The following FGF18 variants were observed in gnomAD, a reference collection of about 807,000 sequenced individuals.
FGF18 encodes the protein fibroblast growth factor 18.
In FGF18, 5 loss-of-function variants were observed where a neutral mutation model predicts 23.0. The ratio of observed to expected loss-of-function variants is 0.22; its 90% CI spans 0.11 to 0.46. FGF18 has a LOEUF of 0.46. Ranked by LOEUF, FGF18 falls within the 20% of genes least tolerant of loss-of-function variation. The pLI is 0.99. For missense variants in FGF18, 180 were observed against 291.6 expected, an observed-to-expected ratio of 0.62 and a Z score of 2.79; for synonymous variants, 117 against 118.9, an observed-to-expected ratio of 0.98 and a Z score of 0.10.
In FGF18 at chr5:171,451,058, C is replaced by CA. The variant is rs1561891333; in HGVS notation, c.357+1806dup. 6.6e-6 allele frequency among the ~76,000 whole-genome samples: 1 copy of CA among 151,624 alleles called. No individual in the cohort carries two copies. The highest frequency in any genetic ancestry group is 6.6e-5 in the Admixed American group (1 of 15,252). On this transcript the variant is annotated intron_variant, in intron 4 of 4. Coordinates refer to ENST00000274625, the MANE Select transcript of FGF18 (RefSeq NM_003862.3). The surrounding 1 kb of genome is among the most constrained non-coding windows in gnomAD (Gnocchi z 4.5). ...GCCCCGTCCCCTCGGGCCGCCCCCC[C>CA]ACCCCGCCGCCGGCCGCCTCCCGCC...
At chr5:171,442,961 C>A (rs1017553321) in intron 3 of FGF18, among the ~76,000 whole-genome samples, 15 of 152,250 alleles carry the variant, frequency 9.9e-5, no homozygotes, top group Non-Finnish European at 1.6e-4. Flanking sequence ...CAAACTGGCT[C>A]TGGCCTTGCT....
rs1772239067 is a variant in FGF18 at position 171,436,003 on chromosome 5, C to T, written c.70-90C>T. On this transcript the variant is annotated intron_variant, in intron 2 of 4. Transcript: ENST00000274625. This position sits in a 1 kb window ranked among gnomAD's most constrained non-coding sequence, Gnocchi z 4.4. ...TGGCTCAGAGCCGGTGTAGAGAAGC[C>T]CTTGGTCTTTGTGGTGGACGTGGCT... is the stretch of plus-strand genomic sequence containing the variant. 9.1e-7 allele frequency: 1 copy of T among 1,096,720 alleles called. No individual in the cohort carries two copies. The highest frequency in any genetic ancestry group is 1.2e-6 in the Non-Finnish European group (1 of 814,908). The allele number at this position is 1,096,720 out of a possible 1,614,324, so 67.9% of individuals were successfully genotyped here. A position where few individuals can be genotyped will look rare whatever the true frequency, so the allele number is the denominator to read the frequency against.
chr5:171,420,566 T>G, intron 2 of FGF18, 123 bp downstream of exon 2: 1 of 953,704 alleles, frequency 1.0e-6, no homozygotes. Flanking sequence ...CCAGTGCACC[T>G]GTTCCCAGGG....
chr5:171,443,629 C>T (rs1302479404), intron 3 of FGF18, among the ~76,000 whole-genome samples: 2 of 147,818 alleles, frequency 1.4e-5, no homozygotes, highest in Non-Finnish European at 3.0e-5. Flanking sequence ...GGATTACAGG[C>T]GTGAGCCACC....
intron 2 of FGF18, among the ~76,000 whole-genome samples, chr5:171,427,054 G>GA (rs1481092437): frequency 6.6e-6 from 1 of 151,978 alleles, no homozygotes; most frequent in South Asian, 2.1e-4. Flanking sequence ...ACTAAAAATA[G>GA]AAAAAATTAG....
Position 171,420,241 on chromosome 5 carries a change from C to G in FGF18, c.32+10C>G, listed in dbSNP as rs1356442998. ...CCGCCTGCACTTGCCTGTAAGCGCC[C>G]GCGCGCGGGGCTGCCCACCTTGCCT... On this transcript the variant is annotated intron_variant, in intron 1 of 4. Coordinates refer to ENST00000274625, the MANE Select transcript of FGF18 (RefSeq NM_003862.3). The G allele has an allele frequency of 6.3e-7, 1 of 1,581,122 alleles. No homozygotes were observed. The highest frequency in any genetic ancestry group is 8.6e-7 in the Non-Finnish European group (1 of 1,166,598).
chr5:171,444,267 A>G (rs1340946996), intron 3 of FGF18, among the ~76,000 whole-genome samples: 1 of 152,076 alleles, frequency 6.6e-6, no homozygotes, highest in Non-Finnish European at 1.5e-5. Context: ...GGGGCCTCTG[A>G]GAAGTGAGGG....
rs563284714 is a variant in FGF18, at chr5:171,436,941, G to T, written c.250+668G>T. On this transcript the variant is annotated intron_variant, in intron 3 of 4. Coordinates refer to ENST00000274625, the MANE Select transcript of FGF18 (RefSeq NM_003862.3). The surrounding 1 kb of genome is among the most constrained non-coding windows in gnomAD (Gnocchi z 4.4). ...CAGTGAGTGAAACAGGCAGCGCTCC[G>T]CCTTCCCAGAGCTTGGAGGGCCTCT... Among the ~76,000 whole-genome samples, 1 of 152,248 alleles carries T rather than the reference G, an allele frequency of 6.6e-6. No homozygotes were observed.
At chr5:171,426,623 G>T (rs908142035) in intron 2 of FGF18, among the ~76,000 whole-genome samples, 3 of 152,202 alleles carry the variant, frequency 2.0e-5, no homozygotes, top group African/African-American at 7.2e-5. Flanking sequence ...CCAAGGATGG[G>T]GCCAAAGACA....
rs1402885132 is a variant in FGF18, at chr5:171,443,500, CATTTTTT to C, written c.251-5646_251-5640del. 2.6e-4 allele frequency among the ~76,000 whole-genome samples: 18 copies of C among 70,468 alleles called. 1 individual carries two copies. The highest frequency in any genetic ancestry group is 6.6e-4 in the Admixed American group (3 of 4,540). 46.2% of individuals were successfully genotyped at this position (70,468 alleles called of 152,430 possible). A position where few individuals can be genotyped will look rare whatever the true frequency, so the allele number is the denominator to read the frequency against. On this transcript the variant is annotated intron_variant, in intron 3 of 4. Coordinates refer to ENST00000274625, the MANE Select transcript of FGF18 (RefSeq NM_003862.3). ...TCAGATAAGTATTCACTGTTATCAT[CATTTTTT>C]TTTTTTTTTTTTTTTTTTTTTTTTT...
intron 3 of FGF18, among the ~76,000 whole-genome samples, chr5:171,447,986 AGAGAG>A (rs1772443025): frequency 6.6e-6 from 1 of 152,214 alleles, no homozygotes; most frequent in African/African-American, 2.4e-5. Flanking sequence ...GTTTAAGACC[AGAGAG>A]GAGAGAGAGC....
At chr5:171,431,460 G>A (rs1050959739) in intron 2 of FGF18, among the ~76,000 whole-genome samples, 2 of 152,106 alleles carry the variant, frequency 1.3e-5, no homozygotes, top group Admixed American at 6.6e-5. Flanking sequence ...CCCCAGGGCC[G>A]GGGGACCTTG....
intron 3 of FGF18, among the ~76,000 whole-genome samples, chr5:171,443,191 G>A (rs909530008): frequency 6.6e-6 from 1 of 151,872 alleles, no homozygotes; most frequent in Non-Finnish European, 1.5e-5. Context: ...GTGCAGTGGT[G>A]CAATCTCGGC....
intron 3 of FGF18, among the ~76,000 whole-genome samples, chr5:171,443,491 T>G (rs140715996): frequency 1.4e-5 from 2 of 139,614 alleles, no homozygotes; most frequent in African/African-American, 5.4e-5. Context: ...AAGTATTCAC[T>G]GTTATCATCA....
chr5:171,421,445 G>T (rs542494916), intron 2 of FGF18, among the ~76,000 whole-genome samples: 1 of 152,326 alleles, frequency 6.6e-6, no homozygotes, highest in South Asian at 2.1e-4. Context: ...AAAGAGGGTT[G>T]TCTGACCCTT....
At position 171,436,041 on chromosome 5, in the gene FGF18, C is replaced by T. The variant is rs1772239614; in HGVS notation, c.70-52C>T. On this transcript the variant is annotated intron_variant, in intron 2 of 4. Coordinates refer to ENST00000274625, the MANE Select transcript of FGF18 (RefSeq NM_003862.3). The surrounding 1 kb of genome is among the most constrained non-coding windows in gnomAD (Gnocchi z 4.4). ...GGTGGACGTGGCTGGCTCCTGCATG[C>T]AGTGGGCCTGGGACATCTGGGGTGG... is the stretch of plus-strand genomic sequence containing the variant. 2 of 1,393,296 alleles carry T rather than the reference C, an allele frequency of 1.4e-6. No individual in the cohort carries two copies. Among genetic ancestry groups the T allele is most frequent in the Non-Finnish European group, 1.9e-6 (2 of 1,057,990 alleles). 86.3% of individuals were successfully genotyped at this position (1,393,296 alleles called of 1,614,324 possible).
At chr5:171,443,681 C>T (rs1772379690) in intron 3 of FGF18, among the ~76,000 whole-genome samples, 1 of 152,016 alleles carries the variant, frequency 6.6e-6, no homozygotes, top group East Asian at 1.9e-4. Flanking sequence ...ATTTTTGCTG[C>T]AGGCATTAAA....
intron 3 of FGF18, among the ~76,000 whole-genome samples, chr5:171,437,967 C>T (rs1277619108): frequency 6.6e-6 from 1 of 152,210 alleles, no homozygotes; most frequent in Non-Finnish European, 1.5e-5. Flanking sequence ...CCTCTCATTC[C>T]CTCTGCCTGA....
intron 2 of FGF18, among the ~76,000 whole-genome samples, chr5:171,421,293 C>G (rs1164490697): frequency 3.9e-5 from 6 of 152,054 alleles, no homozygotes; most frequent in East Asian, 1.9e-4. Context: ...ACTTCAGCCC[C>G]GATTAGAACC....
Sources: allele counts gnomAD v4.1 joint callset (sites outside exome capture counted in the v4.1 genomes callset), GRCh38; gene constraint gnomAD v4.1.1; non-coding constraint Gnocchi (gnomAD v3.1); transcripts MANE v1.5; gene names NCBI Gene and HGNC (gene_info 2026-07-23, HGNC 2026-07-21).